SYT14: variants seen among roughly 807,000 people sequenced by gnomAD.
The protein encoded by SYT14 is synaptotagmin-14.
SYT14 carries 32 observed loss-of-function variants against 74.2 expected under a neutral mutation model. That is an observed-to-expected ratio of 0.43 (90% CI 0.33 to 0.58). SYT14 has a LOEUF of 0.58. Among genes scored for constraint, SYT14 ranks in the 20% least tolerant of loss-of-function variants. The probability of loss-of-function intolerance (pLI) is 0.05; values close to 1 mark genes in which losing one functional copy is unlikely to be tolerated. For synonymous variants in SYT14, 298 were observed against 337.7 expected, an observed-to-expected ratio of 0.88 and a Z score of 1.29; for missense variants, 791 against 981.8, an observed-to-expected ratio of 0.81 and a Z score of 2.60.
intron 7 of SYT14, among the ~76,000 whole-genome samples, 183 bp downstream of exon 6, chr1:210,100,644 T>A (rs1379297392): frequency 6.6e-6 from 1 of 152,216 alleles, no homozygotes. Flanking sequence ...CTAAAAAAGT[T>A]GCCCTTGAAG....
rs2080190318 is a variant in SYT14, at chr1:210,016,673, AAGG to A, written c.675_677del (p.Glu226del). The A allele has an allele frequency of 1.9e-5, 24 of 1,231,752 alleles. No homozygotes were observed. In the South Asian group the frequency reaches 7.4e-4, roughly 38 times the overall value. The allele number at this position is 1,231,752 out of a possible 1,614,324, so 76.3% of individuals were successfully genotyped here. A position where few individuals can be genotyped will look rare whatever the true frequency, so the allele number is the denominator to read the frequency against. ...ATATGTTGGTACAGATAATTGTAAA[AAGG>A]AGGAATATTCTAAATCTCGACATGT... On this transcript the variant is annotated inframe_deletion, in exon 4 of 10. Transcript: ENST00000637265.
At chr1:210,017,953 G>A (rs963049530) in intron 4 of SYT14, among the ~76,000 whole-genome samples, 2 of 152,074 alleles carry the variant, frequency 1.3e-5, no homozygotes, top group African/African-American at 2.4e-5. Context: ...GCAGAATAGC[G>A]GTAATGAGGA....
At chr1:210,094,906 A>G (rs976313724) in intron 6 of SYT14, among the ~76,000 whole-genome samples, 19 of 152,098 alleles carry the variant, frequency 1.2e-4, no homozygotes, top group Middle Eastern at 6.8e-3. Flanking sequence ...TGAGGTTACT[A>G]TTTGTATTAT....
At chr1:209,939,287 A>G (rs1339517951) in intron 1 of SYT14, among the ~76,000 whole-genome samples, 3 of 152,322 alleles carry the variant, frequency 2.0e-5, no homozygotes, top group East Asian at 3.9e-4. Flanking sequence ...CAGCTGTGCA[A>G]GGTACCTATA....
chr1:209,969,352 A>C (rs1396731035), intron 2 of SYT14, among the ~76,000 whole-genome samples: 1 of 152,222 alleles, frequency 6.6e-6, no homozygotes, highest in African/African-American at 2.4e-5. Context: ...ACTAATTTAC[A>C]TTACCATCCA....
chr1:210,051,817 A>G (rs918913010), intron 5 of SYT14, among the ~76,000 whole-genome samples: 2 of 152,160 alleles, frequency 1.3e-5, no homozygotes, highest in African/African-American at 4.8e-5. Context: ...AGAAATACCT[A>G]CCTTTCAGAC....
At chr1:210,094,400 C>G in exon 6 of SYT14, 1 of 1,613,936 alleles carries the variant, frequency 6.2e-7, no homozygotes, top group East Asian at 2.2e-5. Flanking sequence ...GACAGTGGTT[C>G]TCCCCATCTG....
intron 4 of SYT14, 76 bp from the exon 4 acceptor site, chr1:210,020,963 C>T (rs1040095997): frequency 7.9e-5 from 95 of 1,205,260 alleles, no homozygotes; most frequent in Admixed American, 1.3e-4. Flanking sequence ...TATCATTTGA[C>T]GGGCCCAGTA....
At chr1:210,117,392 C>A (rs1398530101) in intron 7 of SYT14, among the ~76,000 whole-genome samples, 1 of 152,086 alleles carries the variant, frequency 6.6e-6, no homozygotes, top group East Asian at 1.9e-4. Context: ...TAATTCACAA[C>A]TACCATTGTC....
intron 1 of SYT14, among the ~76,000 whole-genome samples, chr1:209,941,752 G>A (rs1265497781): frequency 1.3e-5 from 2 of 152,182 alleles, no homozygotes; most frequent in East Asian, 1.9e-4. Flanking sequence ...ATTCATTTTT[G>A]TACCCCTTAG....
At chr1:209,982,216 C>T (rs764635101) in intron 2 of SYT14, among the ~76,000 whole-genome samples, 36 of 151,974 alleles carry the variant, frequency 2.4e-4, no homozygotes, top group African/African-American at 3.9e-4. Flanking sequence ...AGTGCAGTGG[C>T]GCCATCACAG....
At chr1:209,942,891 A>G (rs1351977739) in intron 1 of SYT14, among the ~76,000 whole-genome samples, 2 of 152,192 alleles carry the variant, frequency 1.3e-5, no homozygotes, top group African/African-American at 4.8e-5. Flanking sequence ...AGGTTAAACT[A>G]GTGAGAATCT....
chr1:210,069,469 T>A (rs994948749), intron 5 of SYT14, among the ~76,000 whole-genome samples: 1 of 152,172 alleles, frequency 6.6e-6, no homozygotes, highest in African/African-American at 2.4e-5. Context: ...ATAAGGGACT[T>A]ACATGTTTAC....
intron 5 of SYT14, among the ~76,000 whole-genome samples, chr1:210,086,338 CAAA>C (rs1381918748): frequency 6.6e-6 from 1 of 152,122 alleles, no homozygotes; most frequent in Non-Finnish European, 1.5e-5. Context: ...TCCCATTCCT[CAAA>C]AAATTTTTCA....
chr1:210,088,107 T>C (rs927843216), intron 5 of SYT14, among the ~76,000 whole-genome samples: 9 of 152,178 alleles, frequency 5.9e-5, no homozygotes, highest in Non-Finnish European at 1.0e-4. Context: ...ATATGCTTGG[T>C]TTTTTATTTA....
At chr1:209,972,093 T>A (rs1423010218) in intron 2 of SYT14, among the ~76,000 whole-genome samples, 1 of 152,152 alleles carries the variant, frequency 6.6e-6, no homozygotes, top group Non-Finnish European at 1.5e-5. Context: ...AGGTTTCAGT[T>A]TCTTCTTGAG....
intron 2 of SYT14, among the ~76,000 whole-genome samples, chr1:210,000,500 A>ACACACACACACACACACAC (rs3031236): frequency 1.3e-5 from 2 of 150,506 alleles, no homozygotes; most frequent in African/African-American, 4.9e-5. Flanking sequence ...ACACACACAC[A>ACACACACACACACACACAC]ATCTAAGAAA....
chr1:210,126,814 G>A (rs551466994), intron 7 of SYT14, among the ~76,000 whole-genome samples: 165 of 152,108 alleles, frequency 1.1e-3, no homozygotes, highest in Admixed American at 2.4e-3. Context: ...GGTCCTTTTG[G>A]ATGTTTCTCA....
At chr1:210,041,648 T>C (rs1317256641) in intron 5 of SYT14, among the ~76,000 whole-genome samples, 5 of 152,156 alleles carry the variant, frequency 3.3e-5, no homozygotes, top group Non-Finnish European at 7.4e-5. Context: ...TGTTTGTATT[T>C]GCTTATTGTT....
Sources: gnomAD v4.1 joint callset for allele counts (sites outside exome capture counted in the v4.1 genomes callset) on GRCh38, gnomAD v4.1.1 for gene constraint, MANE v1.5 for transcripts, NCBI Gene and HGNC (gene_info 2026-07-23, HGNC 2026-07-21) for gene names.